Variants in LINGO2 observed in about 807,000 individuals in gnomAD.
The protein encoded by LINGO2 is leucine rich repeat and Ig domain containing 2, also known as leucine-rich repeat and immunoglobulin-like domain-containing nogo receptor-interacting protein 2.
LINGO2 carries 14 observed loss-of-function variants against 30.6 expected under a neutral mutation model. The observed-to-expected ratio is 0.46, with a 90% CI of 0.30 to 0.72. The LOEUF is 0.72. Among genes scored for constraint, LINGO2 ranks in the 30% least tolerant of loss-of-function variants. The probability of loss-of-function intolerance (pLI) is 0.07; values close to 1 mark genes in which losing one functional copy is unlikely to be tolerated. For synonymous variants in LINGO2, 317 were observed against 288.5 expected, an observed-to-expected ratio of 1.10 and a Z score of -1.00; for missense variants, 729 against 751.7, an observed-to-expected ratio of 0.97 and a Z score of 0.35.
the LINGO2 span, among the ~76,000 whole-genome samples, chr9:29,098,945 G>A: frequency 7.0e-3 from 1,067 of 152,114 alleles, 10 homozygotes; most frequent in African/African-American, 0.025. Flanking sequence ...CAAAAAGAAC[G>A]AAACTGGATG....
At chr9:28,479,984 G>T (rs1319298055) in intron 1 of LINGO2, among the ~76,000 whole-genome samples, 1 of 134,690 alleles carries the variant, frequency 7.4e-6, no homozygotes, top group African/African-American at 2.7e-5. Context: ...CTTAAATAGG[G>T]TTACTTCCTA....
At chr9:28,895,750 C>G in the LINGO2 span, among the ~76,000 whole-genome samples, 1 of 151,864 alleles carries the variant, frequency 6.6e-6, no homozygotes, top group African/African-American at 2.4e-5. Context: ...GAGGGAGAAC[C>G]GAGGGAGACA....
At chr9:28,097,570 T>C (rs1826281399) in intron 4 of LINGO2, among the ~76,000 whole-genome samples, 1 of 141,024 alleles carries the variant, frequency 7.1e-6, no homozygotes, top group Non-Finnish European at 1.5e-5. Context: ...TCATTCTCAG[T>C]AAACTATCGC....
the LINGO2 span, among the ~76,000 whole-genome samples, chr9:28,949,833 C>G: frequency 5.8e-3 from 880 of 152,222 alleles, 11 homozygotes; most frequent in African/African-American, 0.02. Flanking sequence ...GGCCAATATC[C>G]CTGATGAACA....
intron 1 of LINGO2, among the ~76,000 whole-genome samples, chr9:28,502,131 G>GACACACAGAC (rs143910227): frequency 6.8e-6 from 1 of 147,030 alleles, no homozygotes; most frequent in Non-Finnish European, 1.5e-5. Flanking sequence ...GAGAAACACA[G>GACACACAGAC]ACACACACAC....
intron 1 of LINGO2, among the ~76,000 whole-genome samples, chr9:28,577,440 G>A (rs1824044813): frequency 1.3e-5 from 2 of 151,974 alleles, no homozygotes; most frequent in South Asian, 2.1e-4. Context: ...ACACCCTTAT[G>A]ATTGCATTCC....
At chr9:27,968,547 T>C (rs1209805706) in intron 5 of LINGO2, among the ~76,000 whole-genome samples, 1 of 152,006 alleles carries the variant, frequency 6.6e-6, no homozygotes, top group East Asian at 1.9e-4. Context: ...AAGTGTTAGA[T>C]TGTGCTATAG....
At chr9:28,552,807 T>C (rs150435147) in intron 1 of LINGO2, among the ~76,000 whole-genome samples, 16 of 151,876 alleles carry the variant, frequency 1.1e-4, no homozygotes, top group Admixed American at 2.0e-4. Context: ...TTGCTTTTCA[T>C]TCTGGAACAG....
chr9:28,901,619 A>C, the LINGO2 span, among the ~76,000 whole-genome samples: 1 of 151,922 alleles, frequency 6.6e-6, no homozygotes, highest in Non-Finnish European at 1.5e-5. Context: ...ATTAAAAATT[A>C]AGTTATCAGC....
At chr9:28,773,432 G>A in the LINGO2 span, among the ~76,000 whole-genome samples, 2 of 151,724 alleles carry the variant, frequency 1.3e-5, no homozygotes, top group East Asian at 3.9e-4. Context: ...TTTATGTATG[G>A]TGAGGGGTAC....
chr9:28,410,755 G>A (rs1347129586), intron 2 of LINGO2, among the ~76,000 whole-genome samples: 2 of 152,036 alleles, frequency 1.3e-5, no homozygotes, highest in Non-Finnish European at 2.9e-5. Flanking sequence ...GCTTTCTATT[G>A]CATCATTAGT....
chr9:28,611,491 A>C (rs1479310325), intron 1 of LINGO2, among the ~76,000 whole-genome samples: 1 of 152,110 alleles, frequency 6.6e-6, no homozygotes, highest in East Asian at 1.9e-4. Flanking sequence ...GAACTTACTC[A>C]TCCTGCCTAA....
chr9:28,558,731 A>G (rs1416927053), intron 1 of LINGO2, among the ~76,000 whole-genome samples: 1 of 151,966 alleles, frequency 6.6e-6, no homozygotes, highest in Non-Finnish European at 1.5e-5. Context: ...TTTTAGCAGA[A>G]AGAAAGAAAG....
At chr9:28,929,749 AAT>A in the LINGO2 span, among the ~76,000 whole-genome samples, 2 of 152,208 alleles carry the variant, frequency 1.3e-5, no homozygotes, top group Non-Finnish European at 2.9e-5. Flanking sequence ...GGTCTACGTT[AAT>A]ATTTTTATAG....
At chr9:28,998,653 G>C in the LINGO2 span, among the ~76,000 whole-genome samples, 1 of 151,280 alleles carries the variant, frequency 6.6e-6, no homozygotes, top group Non-Finnish European at 1.5e-5. Context: ...TACTTTCCTA[G>C]TCAAGGTTAA....
chr9:28,047,871 TAA>T (rs1024369525), intron 4 of LINGO2, among the ~76,000 whole-genome samples: 9 of 151,032 alleles, frequency 6.0e-5, no homozygotes, highest in Non-Finnish European at 1.2e-4. Context: ...AGAATGGGAC[TAA>T]AAATTACTTA....
intron 4 of LINGO2, among the ~76,000 whole-genome samples, chr9:28,043,673 A>T (rs1235367513): frequency 3.3e-5 from 5 of 152,164 alleles, no homozygotes; most frequent in African/African-American, 1.2e-4. Flanking sequence ...TTCAACAATG[A>T]TCAAATTTTG....
downstream of LINGO2, among the ~76,000 whole-genome samples, chr9:27,945,064 T>C (rs1012728435): frequency 6.6e-6 from 1 of 152,170 alleles, no homozygotes; most frequent in Non-Finnish European, 1.5e-5. Flanking sequence ...TATGTAATTT[T>C]TTTCTTTCCT....
chr9:28,716,072 G>C, the LINGO2 span, among the ~76,000 whole-genome samples: 2 of 151,574 alleles, frequency 1.3e-5, no homozygotes, highest in East Asian at 3.9e-4. Flanking sequence ...TTATGAGTCT[G>C]GGAGCTCGAA....
Sources: gnomAD v4.1 joint callset for allele counts (sites outside exome capture counted in the v4.1 genomes callset) on GRCh38, gnomAD v4.1.1 for gene constraint, MANE v1.5 for transcripts, NCBI Gene and HGNC (gene_info 2026-07-23, HGNC 2026-07-21) for gene names.